The following MOB3A variants were observed in gnomAD, a reference collection of about 807,000 sequenced individuals.
MOB3A encodes MOB LAK.
Under a neutral mutation model 17.8 loss-of-function variants are expected in MOB3A, and 17 were observed. That is an observed-to-expected ratio of 0.95 (90% CI 0.65 to 1.43). The LOEUF (loss-of-function observed/expected upper bound fraction) is 1.43. Ranked by LOEUF, MOB3A falls within the 40% of genes most tolerant of loss-of-function variation. MOB3A has a pLI of 0.00. For synonymous variants in MOB3A, 124 were observed against 133.2 expected (o/e 0.93, Z 0.48); for missense variants, 333 against 310.8 (o/e 1.07, Z -0.54).
rs149744265 is a variant in MOB3A, at chr19:2,086,964, G to C, written c.-273-1636C>G. ...ACAACACCACACCTGTATAATTTTT[G>C]TATTTTTGTAGAGATGGGGTCTTGC... On this transcript the variant is annotated intron_variant, in intron 1 of 4. Coordinates refer to ENST00000357066, the MANE Select transcript of MOB3A (RefSeq NM_130807.3). Among the ~76,000 whole-genome samples, 781 of 151,870 alleles carry C rather than the reference G, an allele frequency of 5.1e-3. 11 individuals are homozygous for C. The highest frequency in any genetic ancestry group is 0.018 in the African/African-American group (752 of 41,444).
intron 2 of MOB3A, among the ~76,000 whole-genome samples, chr19:2,081,120 A>G (rs1217370562): frequency 1.3e-5 from 2 of 151,974 alleles, no homozygotes; most frequent in African/African-American, 4.8e-5. Flanking sequence ...ACCCTGTCTC[A>G]AAAAATAAAA....
Position 2,096,023 on chromosome 19 carries a change from C to A in MOB3A, c.-274+203G>T, listed in dbSNP as rs1333265153. Among the ~76,000 whole-genome samples, 3 of 152,174 alleles carry A rather than the reference C, an allele frequency of 2.0e-5. No individual in the cohort carries two copies. The East Asian group carries it at 5.8e-4, about 30-fold the overall frequency. ...CCTCCCAAAGTGCTGGGATTACAGG[C>A]GTGAGCCACCGCGCCCGGCCTCGCC... is the stretch of plus-strand genomic sequence containing the variant. On this transcript the variant is annotated intron_variant, in intron 1 of 4. Coordinates refer to ENST00000357066, the MANE Select transcript of MOB3A (RefSeq NM_130807.3).
At chr19:2,086,087 C>G (rs2017550364) in intron 1 of MOB3A, among the ~76,000 whole-genome samples, 1 of 150,802 alleles carries the variant, frequency 6.6e-6, no homozygotes, top group African/African-American at 2.4e-5. Context: ...GTTGCCCAGG[C>G]TGGAGTGCAG....
intron 1 of MOB3A, among the ~76,000 whole-genome samples, chr19:2,092,626 C>G (rs183462558): frequency 6.6e-6 from 1 of 151,780 alleles, no homozygotes; most frequent in Non-Finnish European, 1.5e-5. Context: ...GGCGTGGTGG[C>G]GCATGCCTGT....
chr19:2,073,500 G>C lies in MOB3A; in HGVS notation c.625-76C>G, dbSNP rs2017366200. 5.6e-6 allele frequency: 9 copies of C among 1,597,148 alleles called. No homozygotes were observed. The South Asian group carries it at 9.9e-5, about 18-fold the overall frequency. On this transcript the variant is annotated intron_variant, in intron 4 of 4. Transcript: ENST00000357066. ...GTGATGCGAACAGCAGACACACGGA[G>C]ACGCACAGGCAGAGAAACGGCAGCT... is the stretch of plus-strand genomic sequence containing the variant.
intron 1 of MOB3A, among the ~76,000 whole-genome samples, chr19:2,088,633 A>AT (rs1485833081): frequency 2.0e-5 from 3 of 151,510 alleles, no homozygotes; most frequent in Admixed American, 1.3e-4. Context: ...CACCCAGCTA[A>AT]TTTTTTTTGT....
chr19:2,081,368 A>C (rs569043109), intron 2 of MOB3A, among the ~76,000 whole-genome samples: 86 of 152,122 alleles, frequency 5.7e-4, no homozygotes, highest in South Asian at 1.4e-3. Flanking sequence ...CGGGTGGATC[A>C]CCTGAGGTCG....
intron 1 of MOB3A, among the ~76,000 whole-genome samples, chr19:2,090,687 G>A (rs1469288114): frequency 2.6e-5 from 4 of 151,634 alleles, no homozygotes; most frequent in East Asian, 3.9e-4. Flanking sequence ...TTTTTAAGAC[G>A]GAGTCTCGCT....
chr19:2,074,386 GAAAA>G (rs1200822528), intron 4 of MOB3A, among the ~76,000 whole-genome samples: 2 of 151,250 alleles, frequency 1.3e-5, no homozygotes, highest in Non-Finnish European at 2.9e-5. Context: ...CAGAAAAAAA[GAAAA>G]AGAAAAAAGA....
intron 2 of MOB3A, 47 bp from the exon 3 acceptor site, chr19:2,078,726 C>T: frequency 3.1e-6 from 2 of 644,410 alleles, no homozygotes; most frequent in Non-Finnish European, 5.1e-6. Flanking sequence ...GACAGAATTT[C>T]CCGGAAACTC....
In MOB3A at chr19:2,082,786, G is replaced by A. The variant is rs1346123284; in HGVS notation, c.-120+2389C>T. Among the ~76,000 whole-genome samples, 2 of 152,080 alleles carry A rather than the reference G, an allele frequency of 1.3e-5. No homozygotes were observed. Among genetic ancestry groups the A allele is most frequent in the Admixed American group, 1.3e-4 (2 of 15,256 alleles). On this transcript the variant is annotated intron_variant, in intron 2 of 4. Transcript: ENST00000357066. The surrounding 1 kb of genome is among the most constrained non-coding windows in gnomAD (Gnocchi z 4.1). The stretch of plus-strand genomic sequence containing the variant: ...TTTTGCTCGGCGGGGCACAACCCCA[G>A]GGTCACCACACAGGTCCCCCCGCTT...
chr19:2,076,654 T>C (rs1463917213), intron 4 of MOB3A, among the ~76,000 whole-genome samples, 157 bp downstream of exon 4: 1 of 152,168 alleles, frequency 6.6e-6, no homozygotes, highest in Admixed American at 6.5e-5. Flanking sequence ...CCTCACCACT[T>C]GTCCCATCAG....
At chr19:2,077,807 A>G (rs2017431334) in intron 3 of MOB3A, among the ~76,000 whole-genome samples, 1 of 151,068 alleles carries the variant, frequency 6.6e-6, no homozygotes, top group African/African-American at 2.4e-5. Context: ...TTTTTGAGAC[A>G]GGGTCTTGCT....
intron 2 of MOB3A, among the ~76,000 whole-genome samples, chr19:2,081,398 G>GC (rs928074962): frequency 2.6e-5 from 4 of 151,352 alleles, no homozygotes; most frequent in African/African-American, 9.7e-5. Context: ...GATCAGCCTG[G>GC]CCAACATGGT....
rs1031806838 is a variant in MOB3A, at chr19:2,085,302, C to G, written c.-247G>C. On this transcript the variant is annotated 5_prime_UTR_variant, in exon 2 of 5. Transcript: ENST00000357066. ...TGGGCTCCCCCGGTCTTCCCACGGA[C>G]GAGACACAAGTGACCCTTGGAAACT... 1 of 151,736 alleles carries G rather than the reference C, an allele frequency of 6.6e-6. No homozygotes were observed. The highest frequency in any genetic ancestry group is 2.4e-5 in the African/African-American group (1 of 41,282). The allele number at this position is 151,736 out of a possible 1,614,324, so 9.4% of individuals were successfully genotyped here.
rs34059622 is a variant in MOB3A at position 2,078,425 on chromosome 19, G to T, written c.136C>A (p.Arg46=). The change falls in exon 3 of 5, where the codon CGG becomes AGG. Residue 46 remains arginine (R), a synonymous_variant. Transcript: ENST00000357066. ...QASLNAGLDL[R]LAVQLPPGED... is the part of the protein sequence containing the mutation. ...CCCGGGGGCAACTGCACGGCCAGCCGCAGGTCCAGCCCGGCGTTCAGCGAC... is the reference window on the plus strand; with the variant it reads ...CCCGGGGGCAACTGCACGGCCAGCCTCAGGTCCAGCCCGGCGTTCAGCGAC... 3,733 of 1,613,906 alleles carry T rather than the reference G, an allele frequency of 2.3e-3. 78 individuals carry two copies. The African/African-American group carries it at 0.045, about 19-fold the overall frequency.
At chr19:2,073,566 G>T in intron 4 of MOB3A, 142 bp from the exon 5 acceptor site, 1 of 1,052,966 alleles carries the variant, frequency 9.5e-7, no homozygotes, top group Non-Finnish European at 1.4e-6. Context: ...AACCACACAG[G>T]CAATGGCACA....
rs1196579389 is a variant in MOB3A, at chr19:2,073,168, A to G, written c.*227T>C. The G allele has an allele frequency of 8.2e-6, 5 of 612,850 alleles. No individual in the cohort carries two copies. The highest frequency in any genetic ancestry group is 1.5e-5 in the Non-Finnish European group (5 of 343,586). The allele number at this position is 612,850 out of a possible 1,614,324, so 38.0% of individuals were successfully genotyped here. A position where few individuals can be genotyped will look rare whatever the true frequency, so the allele number is the denominator to read the frequency against. ...GGTTGCTAGTAACACATAGAATTAC[A>G]GAGTTCACGTTTTAGTCCCAGACGG... On this transcript the variant is annotated 3_prime_UTR_variant, in exon 5 of 5. Transcript: ENST00000357066.
chr19:2,086,337 GC>G (rs1400544241), intron 1 of MOB3A, among the ~76,000 whole-genome samples: 1 of 150,390 alleles, frequency 6.6e-6, no homozygotes, highest in Non-Finnish European at 1.5e-5. Flanking sequence ...ATAACGCCCA[GC>G]CTCTGAGTGT....
Sources: gnomAD v4.1 joint callset for allele counts (sites outside exome capture counted in the v4.1 genomes callset) on GRCh38, gnomAD v4.1.1 for gene constraint, Gnocchi (gnomAD v3.1) non-coding constraint, MANE v1.5 for transcripts, NCBI Gene and HGNC (gene_info 2026-07-23, HGNC 2026-07-21) for gene names.